Variants in DOCK2 observed in about 807,000 individuals in gnomAD.
The protein encoded by DOCK2 is dedicator of cytokinesis protein 2.
DOCK2 carries 87 observed loss-of-function variants against 248.9 expected under a neutral mutation model. The observed-to-expected ratio is 0.35, with a 90% CI of 0.29 to 0.42. The LOEUF is 0.42. Among genes scored for constraint, DOCK2 ranks in the 10% least tolerant of loss-of-function variants. The pLI is 1.00. For synonymous variants in DOCK2, 805 were observed against 821.6 expected, an observed-to-expected ratio of 0.98 and a Z score of 0.35; for missense variants, 1,747 against 2,300.2, an observed-to-expected ratio of 0.76 and a Z score of 4.92.
intron 26 of DOCK2, among the ~76,000 whole-genome samples, chr5:169,807,833 C>CA (rs61670398): frequency 0.065 from 1,555 of 24,104 alleles, 280 homozygotes; most frequent in Non-Finnish European, 0.094. Context: ...GACTCTGTCT[C>CA]AAAAAAAAAA....
At chr5:169,725,924 G>C (rs1762448469) in intron 22 of DOCK2, among the ~76,000 whole-genome samples, 3 of 152,104 alleles carry the variant, frequency 2.0e-5, no homozygotes, top group Admixed American at 2.0e-4. Context: ...ATTTGGGTTG[G>C]TTCCAAGTCT....
chr5:169,933,597 C>T (rs1775858722), intron 27 of DOCK2, among the ~76,000 whole-genome samples: 2 of 152,318 alleles, frequency 1.3e-5, no homozygotes, highest in East Asian at 1.9e-4. Context: ...TTTAGTCCAG[C>T]TCCTTCCCTT....
intron 27 of DOCK2, among the ~76,000 whole-genome samples, chr5:169,844,015 T>C (rs1581273050): frequency 6.6e-6 from 1 of 152,346 alleles, no homozygotes; most frequent in East Asian, 1.9e-4. Flanking sequence ...GCTTTGAACA[T>C]TCACAAACAA....
At chr5:170,065,011 A>G (rs977229677) in intron 44 of DOCK2, among the ~76,000 whole-genome samples, 2 of 152,194 alleles carry the variant, frequency 1.3e-5, no homozygotes, top group African/African-American at 4.8e-5. Context: ...ATTATCTAGT[A>G]TAAAGATTTA....
chr5:169,738,230 T>TCC (rs1376795969), intron 22 of DOCK2, among the ~76,000 whole-genome samples: 4 of 152,192 alleles, frequency 2.6e-5, no homozygotes, highest in African/African-American at 9.7e-5. Context: ...TTTTAAAGGA[T>TCC]TTTCAACAGG....
intron 30 of DOCK2, among the ~76,000 whole-genome samples, chr5:170,007,134 G>C (rs1755062831): frequency 6.6e-6 from 1 of 152,226 alleles, no homozygotes; most frequent in Admixed American, 6.5e-5. Context: ...TGTTATCAGT[G>C]GAAGAGTTGC....
chr5:169,998,514 A>G (rs1223124690), intron 30 of DOCK2, among the ~76,000 whole-genome samples: 2 of 152,226 alleles, frequency 1.3e-5, no homozygotes, highest in African/African-American at 4.8e-5. Flanking sequence ...TACATGCCAG[A>G]TCTCACGAGA....
chr5:169,828,996 C>A (rs1484236835), intron 26 of DOCK2, among the ~76,000 whole-genome samples: 1 of 152,258 alleles, frequency 6.6e-6, no homozygotes, highest in African/African-American at 2.4e-5. Flanking sequence ...CTTTATGACT[C>A]CCTACCTCAG....
At chr5:169,836,095 T>A (rs1769566981) in intron 26 of DOCK2, among the ~76,000 whole-genome samples, 3 of 152,232 alleles carry the variant, frequency 2.0e-5, no homozygotes, top group African/African-American at 4.8e-5. Context: ...TTTTTTGAAC[T>A]ATATACACTT....
chr5:170,066,277 T>C (rs1307183630), intron 44 of DOCK2, among the ~76,000 whole-genome samples: 2 of 151,480 alleles, frequency 1.3e-5, no homozygotes, highest in Non-Finnish European at 2.9e-5. Context: ...AGACTTTAAA[T>C]GAAAAACTGT....
intron 9 of DOCK2, among the ~76,000 whole-genome samples, chr5:169,693,137 G>A (rs114151465): frequency 0.012 from 1,770 of 152,186 alleles, 32 homozygotes; most frequent in African/African-American, 0.041. Flanking sequence ...CCTAATTTGA[G>A]GAGAGAAGGT....
At chr5:169,690,728 T>A (rs138896297) in intron 9 of DOCK2, among the ~76,000 whole-genome samples, 108 of 152,284 alleles carry the variant, frequency 7.1e-4, no homozygotes, top group African/African-American at 2.6e-3. Context: ...CAATCAGTGG[T>A]TCATTTTGCA....
Position 169,689,307 on chromosome 5 carries a change from CT to C in DOCK2, c.818del (p.Leu273ProfsTer4). ...SRGFPKEIEM[L>X]NNLKVVFTDL... ...GGGCTTCCCTAAGGAGATTGAGATG[CT>C]CAACAATCTGAAGGTGGTCTTCACG... On this transcript the variant is annotated frameshift_variant, in exon 9 of 52. Transcript: ENST00000520908. LOFTEE classifies it high-confidence loss of function. 6.2e-7 allele frequency: 1 copy of C among 1,614,074 alleles called. No individual in the cohort carries two copies. The highest frequency in any genetic ancestry group is 8.5e-7 in the Non-Finnish European group (1 of 1,179,978).
intron 27 of DOCK2, among the ~76,000 whole-genome samples, chr5:169,879,986 A>T (rs1280115080): frequency 1.3e-5 from 2 of 152,212 alleles, no homozygotes; most frequent in African/African-American, 4.8e-5. Flanking sequence ...CTTGTTTATG[A>T]TGAATAGTTT....
At chr5:170,074,729 T>C (rs1757784830) in intron 46 of DOCK2, among the ~76,000 whole-genome samples, 1 of 152,220 alleles carries the variant, frequency 6.6e-6, no homozygotes, top group South Asian at 2.1e-4. Context: ...CTAATTGTTC[T>C]AGAGGATAAA....
intron 27 of DOCK2, among the ~76,000 whole-genome samples, chr5:169,947,177 G>A (rs1776484730): frequency 6.6e-6 from 1 of 152,222 alleles, no homozygotes; most frequent in African/African-American, 2.4e-5. Flanking sequence ...ATCAGTGATA[G>A]AGCTGTGATA....
chr5:169,663,865 A>G (rs552252755), intron 2 of DOCK2, among the ~76,000 whole-genome samples: 139 of 152,266 alleles, frequency 9.1e-4, no homozygotes, highest in African/African-American at 3.2e-3. Flanking sequence ...TTTCCCTACT[A>G]TCTTGGCTGT....
chr5:169,721,031 C>G (rs577531200), intron 22 of DOCK2, among the ~76,000 whole-genome samples: 3 of 151,858 alleles, frequency 2.0e-5, no homozygotes, highest in Non-Finnish European at 4.4e-5. Context: ...CAGTATAACT[C>G]TCTCATGTCT....
chr5:169,971,132 G>A (rs1777489606), intron 27 of DOCK2, among the ~76,000 whole-genome samples: 1 of 151,946 alleles, frequency 6.6e-6, no homozygotes, highest in Non-Finnish European at 1.5e-5. Flanking sequence ...CAGAGGACAG[G>A]GAAGTGGGAC....
Sources: gnomAD v4.1 joint callset for allele counts (sites outside exome capture counted in the v4.1 genomes callset) on GRCh38, gnomAD v4.1.1 for gene constraint, MANE v1.5 for transcripts, NCBI Gene and HGNC (gene_info 2026-07-23, HGNC 2026-07-21) for gene names.